Variants in TCN2 observed in about 807,000 individuals in gnomAD.
The protein encoded by TCN2 is transcobalamin 2.
In TCN2, 34 loss-of-function variants were observed where a neutral mutation model predicts 48.6. The observed-to-expected ratio is 0.70, with a 90% CI of 0.53 to 0.93. The LOEUF (loss-of-function observed/expected upper bound fraction) is 0.93, where lower values mean the gene tolerates loss of function less well. Among genes scored for constraint, TCN2 ranks in the 40% least tolerant of loss-of-function variants. The pLI is 0.00. For synonymous variants in TCN2, 283 were observed against 212.5 expected (o/e 1.33, Z -2.89); for missense variants, 652 against 526.1 (o/e 1.24, Z -2.34).
At chr22:30,621,056 G>A (rs1430326742) in intron 7 of TCN2, among the ~76,000 whole-genome samples, 4 of 152,146 alleles carry the variant, frequency 2.6e-5, no homozygotes, top group South Asian at 2.1e-4. Flanking sequence ...GCAGTGGCAC[G>A]ATCTCGGCTC....
At chr22:30,617,541 C>T (rs1412889327) in intron 7 of TCN2, 46 bp downstream of exon 7, 3 of 1,612,484 alleles carry the variant, frequency 1.9e-6, no homozygotes, top group Non-Finnish European at 2.5e-6. Context: ...ACCTCACATG[C>T]CTGATAACAG....
intron 6 of TCN2, among the ~76,000 whole-genome samples, chr22:30,616,219 C>T (rs1355982375): frequency 6.6e-6 from 1 of 152,222 alleles, no homozygotes; most frequent in Non-Finnish European, 1.5e-5. Flanking sequence ...TGCAGTGACT[C>T]ATGCCTGTAA....
At position 30,624,025 on chromosome 22, in the gene TCN2, TATATATGTATACATATATAC is replaced by T. The variant is rs1162428412; in HGVS notation, c.1222+944_1222+963del. ...ATATATGTATACATATATACACACA[TATATATGTATACATATATAC>T]ACACACACACACACACATATATATA... is the stretch of plus-strand genomic sequence containing the variant. On this transcript the variant is annotated intron_variant, in intron 8 of 8. Coordinates refer to ENST00000215838, the MANE Select transcript of TCN2 (RefSeq NM_000355.4). Among the ~76,000 whole-genome samples, 49 of 38,166 alleles carry T rather than the reference TATATATGTATACATATATAC, an allele frequency of 1.3e-3. 17 individuals are homozygous for T. The African/African-American group carries it at 0.016, about 13-fold the overall frequency. 25.0% of individuals were successfully genotyped at this position (38,166 alleles called of 152,430 possible). A position where few individuals can be genotyped will look rare whatever the true frequency, so the allele number is the denominator to read the frequency against.
At chr22:30,612,072 T>TA (rs897759806) in intron 2 of TCN2, among the ~76,000 whole-genome samples, 4 of 150,798 alleles carry the variant, frequency 2.7e-5, no homozygotes, top group African/African-American at 4.9e-5. Flanking sequence ...CCACATCTCT[T>TA]AAAAAAAAGA....
rs2087616050 is a variant in TCN2, at chr22:30,616,601, G to T, written c.941-729G>T. Reference sequence around the variant, plus strand: ...GGATTGCCTGAGCCCAGGAGTTTGAGACCAGCCTGGGCAACATGGTGAAAC... The same window carrying T: ...GGATTGCCTGAGCCCAGGAGTTTGATACCAGCCTGGGCAACATGGTGAAAC... On this transcript the variant is annotated intron_variant, in intron 6 of 8. Transcript: ENST00000215838. Among the ~76,000 whole-genome samples the T allele has an allele frequency of 2.0e-5, 3 of 152,084 alleles. No individual in the cohort carries two copies. In the South Asian group the frequency reaches 6.2e-4, roughly 32 times the overall value.
chr22:30,626,470 C>T lies in TCN2; in HGVS notation c.1233C>T (p.Asp411=), dbSNP rs931753951. Residue 411 remains aspartate, a synonymous_variant, in exon 9 of 9, where the codon GAC becomes GAT. Coordinates refer to ENST00000215838, the MANE Select transcript of TCN2 (RefSeq NM_000355.4). ...AATCTGTTTCTGCAGGTATTGCTGA[C>T]TACAGACCCAAGGATGGAGAAACCA... is the stretch of plus-strand genomic sequence containing the variant. ...PNTPLLQGIA[D]YRPKDGETIE... The T allele has an allele frequency of 1.9e-6, 3 of 1,614,002 alleles. No homozygotes were observed. In the African/African-American group the frequency reaches 4.0e-5, roughly 22 times the overall value.
At chr22:30,610,061 C>G (rs1309463680) in intron 1 of TCN2, among the ~76,000 whole-genome samples, 2 of 152,202 alleles carry the variant, frequency 1.3e-5, no homozygotes. Flanking sequence ...CTAAGCTACC[C>G]TGTGCTGAGC....
chr22:30,620,363 G>A (rs1381772237), intron 7 of TCN2, among the ~76,000 whole-genome samples: 1 of 152,214 alleles, frequency 6.6e-6, no homozygotes, highest in Non-Finnish European at 1.5e-5. Flanking sequence ...AAATTAAATA[G>A]AAAAGTATAA....
intron 1 of TCN2, among the ~76,000 whole-genome samples, 195 bp from the exon 2 acceptor site, chr22:30,610,676 G>A (rs1485424313): frequency 4.6e-5 from 7 of 152,224 alleles, no homozygotes; most frequent in African/African-American, 1.7e-4. Flanking sequence ...CTGCTCTTTA[G>A]AGATACACGC....
chr22:30,626,691 TG>T lies in TCN2; in HGVS notation c.*172del. On this transcript the variant is annotated 3_prime_UTR_variant, in exon 9 of 9. Transcript: ENST00000215838. ...CAAGCCCTTCGAGGGCCCTATACCA[TG>T]GCCCACCTTGGAGCAGAGAGCCAAG... The T allele has an allele frequency of 1.4e-6, 1 of 711,764 alleles. No individual in the cohort carries two copies. Among genetic ancestry groups the T allele is most frequent in the Non-Finnish European group, 2.5e-6 (1 of 404,908 alleles). 44.1% of individuals were successfully genotyped at this position (711,764 alleles called of 1,614,324 possible).
intron 8 of TCN2, among the ~76,000 whole-genome samples, chr22:30,625,013 T>G (rs1001684876): frequency 6.6e-6 from 1 of 152,130 alleles, no homozygotes; most frequent in Admixed American, 6.5e-5. Flanking sequence ...GATCAGTAGT[T>G]CAAGACTAGC....
intron 3 of TCN2, among the ~76,000 whole-genome samples, chr22:30,613,522 G>A (rs1194864873): frequency 2.0e-5 from 3 of 152,002 alleles, no homozygotes; most frequent in South Asian, 2.1e-4. Flanking sequence ...CAGGTGATCC[G>A]CTTGCCTTAG....
intron 2 of TCN2, among the ~76,000 whole-genome samples, chr22:30,612,623 G>A (rs2087558651): frequency 6.6e-6 from 1 of 152,128 alleles, no homozygotes; most frequent in South Asian, 2.1e-4. Context: ...ACAAAATAGT[G>A]GGGCAGGCAC....
intron 8 of TCN2, among the ~76,000 whole-genome samples, chr22:30,626,101 G>T (rs1245177030): frequency 6.6e-6 from 1 of 152,132 alleles, no homozygotes; most frequent in African/African-American, 2.4e-5. Context: ...TCCTCCTAGA[G>T]CCTGGATTCT....
intron 2 of TCN2, among the ~76,000 whole-genome samples, chr22:30,611,551 A>G (rs879876321): frequency 1.3e-5 from 2 of 152,212 alleles, no homozygotes; most frequent in Non-Finnish European, 2.9e-5. Flanking sequence ...TCTGTTGCCC[A>G]GGCTAGAGTG....
intron 1 of TCN2, chr22:30,610,375 G>T: frequency 2.2e-6 from 1 of 452,046 alleles, no homozygotes; most frequent in Non-Finnish European, 4.6e-6. Context: ...TTTGTAAACG[G>T]GTAGCACACA....
In TCN2 at chr22:30,614,348, G is replaced by A; in HGVS notation, c.428-1G>A. Reference sequence around the variant, plus strand: ...AACCCCTCTGTTTTTTTCCCTCTCAGGGCATGATCACAAGGGCCACCCCCA... The same window carrying A: ...AACCCCTCTGTTTTTTTCCCTCTCAAGGCATGATCACAAGGGCCACCCCCA... On this transcript the variant is annotated splice_acceptor_variant, in intron 3 of 8. Coordinates refer to ENST00000215838, the MANE Select transcript of TCN2 (RefSeq NM_000355.4). LOFTEE classifies it high-confidence loss of function. The A allele has an allele frequency of 6.2e-7, 1 of 1,614,042 alleles. No homozygotes were observed. The highest frequency in any genetic ancestry group is 8.5e-7 in the Non-Finnish European group (1 of 1,179,942).
rs746722274 is a variant in TCN2 at position 30,617,410 on chromosome 22, C to A, written c.1021C>A (p.Pro341Thr). Residue 341 changes from proline to threonine, a missense_variant, in exon 7 of 9, where the codon CCG becomes ACG. By Grantham distance (38) the Pro-to-Thr change is conservative. Coordinates refer to ENST00000215838, the MANE Select transcript of TCN2 (RefSeq NM_000355.4). ...CACGCTGCAGGTGCTTAGTCTCTTGCCGCCGTACAGACAGTCCATCTCTGT... is the reference window on the plus strand; with the variant it reads ...CACGCTGCAGGTGCTTAGTCTCTTGACGCCGTACAGACAGTCCATCTCTGT... The part of the protein sequence containing the change: ...SVTLQVLSLL[P>T]PYRQSISVLA... 1 of 1,614,142 alleles carries A rather than the reference C, an allele frequency of 6.2e-7. No homozygotes were observed. The highest frequency in any genetic ancestry group is 8.5e-7 in the Non-Finnish European group (1 of 1,180,026).
chr22:30,609,316 A>G (rs1304410810), intron 1 of TCN2, among the ~76,000 whole-genome samples: 2 of 152,044 alleles, frequency 1.3e-5, no homozygotes, highest in Non-Finnish European at 2.9e-5. Flanking sequence ...GTGCTTGTGA[A>G]TGTCAACAGC....
Sources: allele counts gnomAD v4.1 joint callset (sites outside exome capture counted in the v4.1 genomes callset), GRCh38; gene constraint gnomAD v4.1.1; transcripts MANE v1.5; gene names NCBI Gene and HGNC (gene_info 2026-07-23, HGNC 2026-07-21).